Variants in SRPX observed in about 807,000 individuals in gnomAD.
The protein encoded by SRPX is sushi repeat-containing protein SRPX.
Under a neutral mutation model 38.1 loss-of-function variants are expected in SRPX, and 24 were observed. That is an observed-to-expected ratio of 0.63 (90% CI 0.46 to 0.89). The LOEUF (loss-of-function observed/expected upper bound fraction) is 0.89. SRPX is among the 40% of genes least tolerant of loss of function. The pLI is 0.00. For synonymous variants in SRPX, 184 were observed against 153.8 expected (o/e 1.20, Z -1.45); for missense variants, 416 against 377.8 (o/e 1.10, Z -0.84).
chrX:38,191,319 T>C (rs892043928), intron 1 of SRPX, among the ~76,000 whole-genome samples: 20 of 112,269 alleles, frequency 1.8e-4, no homozygotes, highest in African/African-American at 6.5e-4. Flanking sequence ...TCTCAGTGTA[T>C]CATTTCCAAT....
rs1441419069 is a variant in SRPX, at chrX:38,177,238, G to A, written c.157+1047C>T. ...TAACGTATTTGTGCTTTGCTTGATT[G>A]GTTAATTCCTGAGGCTATGGAGATA... On this transcript the variant is annotated intron_variant, in intron 2 of 9. Coordinates refer to ENST00000378533, the MANE Select transcript of SRPX (RefSeq NM_006307.5). Among the ~76,000 whole-genome samples the A allele has an allele frequency of 2.7e-5, 3 of 111,642 alleles. No homozygotes were observed. The East Asian group carries it at 8.4e-4, about 31-fold the overall frequency.
chrX:38,188,374 C>A (rs755792601), intron 1 of SRPX, among the ~76,000 whole-genome samples: 2 of 112,034 alleles, frequency 1.8e-5, no homozygotes, highest in African/African-American at 6.5e-5. Context: ...AGTGCCTCAG[C>A]GATACCAACC....
intron 4 of SRPX, among the ~76,000 whole-genome samples, chrX:38,167,439 T>C (rs1019262986): frequency 1.8e-5 from 2 of 111,501 alleles, no homozygotes; most frequent in African/African-American, 6.5e-5. Flanking sequence ...CAAGCTGGTC[T>C]GCCCTTCAGC....
chrX:38,163,602 C>G (rs780302119), intron 5 of SRPX, among the ~76,000 whole-genome samples: 1 of 111,567 alleles, frequency 9.0e-6, no homozygotes, highest in Non-Finnish European at 1.9e-5. Flanking sequence ...GGGATCCACC[C>G]ATTTTTAAAA....
Position 38,149,806 on chromosome X carries a change from T to A in SRPX, c.1300A>T (p.Met434Leu). Reference sequence around the variant, plus strand: ...ATCAGGTTGAACAGGGCCACAGGCATCACCAGGGAGACATAGCGCTCTTTG... The same window carrying A: ...ATCAGGTTGAACAGGGCCACAGGCAACACCAGGGAGACATAGCGCTCTTTG... ...MDKERYVSLV[M>L]PVALFNLIDT... Residue 434 changes from methionine (M) to leucine (L), a missense_variant, in exon 10 of 10, where the codon ATG becomes TTG. Coordinates refer to ENST00000378533, the MANE Select transcript of SRPX (RefSeq NM_006307.5). 8.3e-7 allele frequency: 1 copy of A among 1,211,425 alleles called. No homozygotes were observed. Among genetic ancestry groups the A allele is most frequent in the Non-Finnish European group, 1.1e-6 (1 of 895,343 alleles).
intron 9 of SRPX, among the ~76,000 whole-genome samples, chrX:38,150,838 G>A (rs922019914): frequency 3.6e-5 from 4 of 112,197 alleles, no homozygotes; most frequent in East Asian, 2.8e-4. Context: ...TAAAAAATAT[G>A]ATTTTTATAT....
intron 1 of SRPX, among the ~76,000 whole-genome samples, chrX:38,180,926 GAAC>G (rs762298189): frequency 1.2e-4 from 14 of 112,339 alleles, no homozygotes; most frequent in Non-Finnish European, 2.1e-4. Flanking sequence ...TCATGTGTGA[GAAC>G]AACAATATGG....
intron 1 of SRPX, among the ~76,000 whole-genome samples, chrX:38,208,656 A>G (rs747252312): frequency 1.8e-5 from 2 of 110,164 alleles, no homozygotes; most frequent in Non-Finnish European, 3.8e-5. Flanking sequence ...CTATTTGAAT[A>G]TTTTCATAAT....
At chrX:38,163,844 A>G (rs1052751919) in intron 5 of SRPX, among the ~76,000 whole-genome samples, 2 of 111,859 alleles carry the variant, frequency 1.8e-5, no homozygotes, top group African/African-American at 6.5e-5. Context: ...ACAGCCAAAA[A>G]ACAAGGGGTG....
At chrX:38,190,083 C>A (rs887784434) in intron 1 of SRPX, among the ~76,000 whole-genome samples, 1 of 112,139 alleles carries the variant, frequency 8.9e-6, no homozygotes, top group Non-Finnish European at 1.9e-5. Flanking sequence ...GTATAACTTA[C>A]AAAATTCTGG....
chrX:38,202,357 A>C (rs1939128576), intron 1 of SRPX, among the ~76,000 whole-genome samples: 1 of 111,388 alleles, frequency 9.0e-6, no homozygotes, highest in Non-Finnish European at 1.9e-5. Context: ...AGGAGAGGAG[A>C]GAGAGTACAG....
In SRPX at chrX:38,149,969, T is replaced by C. The variant is rs112255357; in HGVS notation, c.1212-75A>G. 4,650 of 911,320 alleles carry C rather than the reference T, an allele frequency of 5.1e-3. 144 individuals are homozygous for C. In the African/African-American group the frequency reaches 0.082, roughly 16 times the overall value. The allele number at this position is 911,320 out of a possible 1,213,427, so 75.1% of individuals were successfully genotyped here. A position where few individuals can be genotyped will look rare whatever the true frequency, so the allele number is the denominator to read the frequency against. On this transcript the variant is annotated intron_variant, in intron 9 of 9. Coordinates refer to ENST00000378533, the MANE Select transcript of SRPX (RefSeq NM_006307.5). ...GGGTCCTGGTGGATCAACCAGAGCC[T>C]TACTGTGACAGTGTGCAGAGAAAGC...
chrX:38,198,106 C>T (rs1939030531), intron 1 of SRPX, among the ~76,000 whole-genome samples: 1 of 112,306 alleles, frequency 8.9e-6, no homozygotes, highest in Non-Finnish European at 1.9e-5. Context: ...AACTTTTACG[C>T]TATGAAAAAG....
chrX:38,159,834 G>A (rs1341467657), intron 7 of SRPX, among the ~76,000 whole-genome samples, 183 bp downstream of exon 7: 1 of 112,298 alleles, frequency 8.9e-6, no homozygotes. Flanking sequence ...GATAGGCAGG[G>A]GCAAGATGGA....
At chrX:38,163,598 C>A (rs1486020040) in intron 5 of SRPX, among the ~76,000 whole-genome samples, 2 of 111,650 alleles carry the variant, frequency 1.8e-5, no homozygotes, top group Non-Finnish European at 3.8e-5. Flanking sequence ...CAAAGGGATC[C>A]ACCCATTTTT....
intron 1 of SRPX, among the ~76,000 whole-genome samples, chrX:38,180,144 C>T (rs1304936641): frequency 9.0e-6 from 1 of 111,183 alleles, no homozygotes; most frequent in Non-Finnish European, 1.9e-5. Context: ...AGCTTTCTCC[C>T]CCCGCCCAGC....
chrX:38,181,339 C>T (rs751488341), intron 1 of SRPX, among the ~76,000 whole-genome samples: 1 of 112,382 alleles, frequency 8.9e-6, no homozygotes, highest in Non-Finnish European at 1.9e-5. Flanking sequence ...CGGAAGAAAG[C>T]CTGGCATTGG....
At chrX:38,159,398 A>G (rs1938195244) in intron 7 of SRPX, among the ~76,000 whole-genome samples, 1 of 112,727 alleles carries the variant, frequency 8.9e-6, no homozygotes, top group Admixed American at 9.3e-5. Context: ...TATAAACAAG[A>G]GATACATACA....
chrX:38,161,559 T>A (rs1938263998), intron 5 of SRPX, among the ~76,000 whole-genome samples: 1 of 111,802 alleles, frequency 8.9e-6, no homozygotes, highest in Admixed American at 9.5e-5. Context: ...AAAGGCAAGT[T>A]CTCTGTGATT....
Sources: allele counts gnomAD v4.1 joint callset (sites outside exome capture counted in the v4.1 genomes callset), GRCh38; gene constraint gnomAD v4.1.1; transcripts MANE v1.5; gene names NCBI Gene and HGNC (gene_info 2026-07-23, HGNC 2026-07-21).